Variants in PTPRM observed in about 807,000 individuals in gnomAD.
The protein encoded by PTPRM is protein tyrosine phosphatase receptor type M, also known as receptor-type tyrosine-protein phosphatase mu.
Under a neutral mutation model 186.7 loss-of-function variants are expected in PTPRM, and 47 were observed. The observed-to-expected ratio is 0.25, with a 90% CI of 0.20 to 0.32. The LOEUF (loss-of-function observed/expected upper bound fraction) is 0.32. Ranked by LOEUF, PTPRM falls within the 10% of genes least tolerant of loss-of-function variation. The pLI, the probability that PTPRM is intolerant of heterozygous loss-of-function variation, is 1.00. For missense variants in PTPRM, 1,494 were observed against 1,865.0 expected, an observed-to-expected ratio of 0.80 and a Z score of 3.66; for synonymous variants, 668 against 674.9, an observed-to-expected ratio of 0.99 and a Z score of 0.16.
At chr18:7,902,754 A>G (rs2049763405) in intron 3 of PTPRM, among the ~76,000 whole-genome samples, 1 of 151,918 alleles carries the variant, frequency 6.6e-6, no homozygotes, top group African/African-American at 2.4e-5. Flanking sequence ...CTTCTGAGTC[A>G]TCCATTCTGT....
chr18:8,332,091 T>C (rs1446835518), intron 22 of PTPRM, among the ~76,000 whole-genome samples: 2 of 152,242 alleles, frequency 1.3e-5, no homozygotes, highest in Non-Finnish European at 2.9e-5. Flanking sequence ...GTAAGTTCCT[T>C]ATATTTCTTA....
chr18:8,252,448 T>C lies in PTPRM; in HGVS notation c.2555-40T>C, dbSNP rs187766980. Reference sequence around the variant, plus strand: ...CTATTGCTTATGCCCTGTTTCCTTTTTCTCCTCCTTTTTTCTCCTGATATG... The same window carrying C: ...CTATTGCTTATGCCCTGTTTCCTTTCTCTCCTCCTTTTTTCTCCTGATATG... On this transcript the variant is annotated intron_variant, in intron 17 of 32. Transcript: ENST00000580170. The C allele has an allele frequency of 4.0e-6, 6 of 1,509,080 alleles. No individual in the cohort carries two copies. In the East Asian group the frequency reaches 1.4e-4, roughly 34 times the overall value. 93.5% of individuals were successfully genotyped at this position (1,509,080 alleles called of 1,614,324 possible).
At chr18:7,672,535 C>T (rs147259384) in intron 1 of PTPRM, among the ~76,000 whole-genome samples, 38 of 152,240 alleles carry the variant, frequency 2.5e-4, no homozygotes, top group Admixed American at 1.8e-3. Flanking sequence ...TGTTAAATAG[C>T]TACAACTTCA....
intron 2 of PTPRM, among the ~76,000 whole-genome samples, chr18:7,842,947 T>TATAGAGAGAGAGAGAGAGAG (rs370746043): frequency 7.1e-5 from 8 of 112,116 alleles, no homozygotes; most frequent in East Asian, 6.2e-4. Flanking sequence ...TATATATATA[T>TATAGAGAGAGAGAGAGAGAG]AGAGAGAGAG....
Position 8,369,057 on chromosome 18 carries a change from A to C in PTPRM, c.3055-1833A>C, listed in dbSNP as rs183026820. ...ACTTTAAAGAATGCAAAAAATCTTC[A>C]ACTGGGAAGAAATGGATGGGAGGAG... On this transcript the variant is annotated intron_variant, in intron 23 of 32. Transcript: ENST00000580170. 9.2e-5 allele frequency among the ~76,000 whole-genome samples: 14 copies of C among 152,324 alleles called. No homozygotes were observed. The East Asian group carries it at 2.7e-3, about 29-fold the overall frequency.
chr18:8,232,546 A>G (rs879229322), intron 14 of PTPRM, among the ~76,000 whole-genome samples: 1 of 152,176 alleles, frequency 6.6e-6, no homozygotes, highest in East Asian at 1.9e-4. Flanking sequence ...TTTTTTTGAG[A>G]TGGAGTCTCA....
At chr18:8,251,226 C>T (rs1270386428) in intron 17 of PTPRM, among the ~76,000 whole-genome samples, 1 of 152,138 alleles carries the variant, frequency 6.6e-6, no homozygotes, top group Non-Finnish European at 1.5e-5. Context: ...CGTGAAGGAC[C>T]CAGATCACTT....
intron 7 of PTPRM, among the ~76,000 whole-genome samples, chr18:8,042,164 T>C (rs912274560): frequency 1.3e-5 from 2 of 152,028 alleles, no homozygotes; most frequent in Non-Finnish European, 2.9e-5. Flanking sequence ...AGAAAAAATA[T>C]ATACTGAGTG....
chr18:8,135,792 G>A (rs768867822), intron 13 of PTPRM, among the ~76,000 whole-genome samples: 1 of 152,150 alleles, frequency 6.6e-6, no homozygotes, highest in Non-Finnish European at 1.5e-5. Context: ...CCCTGTGAAA[G>A]TCATGTCACA....
At chr18:8,265,406 G>T (rs1489936912) in intron 19 of PTPRM, among the ~76,000 whole-genome samples, 3 of 152,204 alleles carry the variant, frequency 2.0e-5, no homozygotes, top group Non-Finnish European at 4.4e-5. Context: ...TCCATGTGCT[G>T]CTCTCCTGGG....
chr18:7,843,962 G>GTTAT (rs2046470015), intron 2 of PTPRM, among the ~76,000 whole-genome samples: 1 of 152,170 alleles, frequency 6.6e-6, no homozygotes, highest in Admixed American at 6.5e-5. Flanking sequence ...CATACATATG[G>GTTAT]CCTCTTCATG....
chr18:7,944,098 T>C (rs2052364838), intron 5 of PTPRM, among the ~76,000 whole-genome samples: 1 of 152,194 alleles, frequency 6.6e-6, no homozygotes, highest in Non-Finnish European at 1.5e-5. Context: ...AGCCTGTTAA[T>C]TTAGTAGAAC....
intron 1 of PTPRM, among the ~76,000 whole-genome samples, chr18:7,642,312 T>C (rs897385575): frequency 2.0e-5 from 3 of 152,128 alleles, no homozygotes; most frequent in African/African-American, 7.2e-5. Context: ...AGAGAACTAT[T>C]TGTTCTCTTT....
intron 7 of PTPRM, among the ~76,000 whole-genome samples, chr18:7,984,602 T>TATATACAC (rs1214502563): frequency 6.4e-4 from 56 of 87,166 alleles, no homozygotes; most frequent in Non-Finnish European, 7.7e-4. Flanking sequence ...TATATATATA[T>TATATACAC]ACACACACAC....
chr18:7,826,135 T>C (rs1202627206), intron 2 of PTPRM, among the ~76,000 whole-genome samples: 1 of 152,202 alleles, frequency 6.6e-6, no homozygotes, highest in Non-Finnish European at 1.5e-5. Context: ...AGTGAGGCTC[T>C]GTTAGGTGGT....
intron 1 of PTPRM, among the ~76,000 whole-genome samples, chr18:7,672,125 A>T (rs1479977216): frequency 6.6e-6 from 1 of 152,172 alleles, no homozygotes; most frequent in Non-Finnish European, 1.5e-5. Flanking sequence ...ATTGGAATCC[A>T]TAGTCATTGA....
intron 1 of PTPRM, among the ~76,000 whole-genome samples, chr18:7,617,748 G>A (rs1342834540): frequency 1.3e-5 from 2 of 152,126 alleles, no homozygotes; most frequent in Admixed American, 6.5e-5. Context: ...TAAGCATTTC[G>A]TGAGAAGAGG....
intron 2 of PTPRM, among the ~76,000 whole-genome samples, chr18:7,847,697 G>T (rs1352703231): frequency 6.6e-6 from 1 of 152,126 alleles, no homozygotes; most frequent in East Asian, 1.9e-4. Flanking sequence ...TACAACTAAA[G>T]ATTAAAAAGG....
intron 1 of PTPRM, among the ~76,000 whole-genome samples, chr18:7,585,283 C>T (rs540945951): frequency 3.9e-5 from 6 of 152,078 alleles, no homozygotes; most frequent in Admixed American, 6.6e-5. Flanking sequence ...TCTCTTAAAA[C>T]GGGATGTCTT....
Sources: allele counts gnomAD v4.1 joint callset (sites outside exome capture counted in the v4.1 genomes callset), GRCh38; gene constraint gnomAD v4.1.1; transcripts MANE v1.5; gene names NCBI Gene and HGNC (gene_info 2026-07-23, HGNC 2026-07-21).